The following SH3GL2 variants were observed in gnomAD, a reference collection of about 807,000 sequenced individuals.
SH3GL2 encodes SH3 domain containing GRB2 like 2, endophilin A1.
A neutral mutation model predicts 46.0 loss-of-function variants in SH3GL2; 24 were observed. The ratio of observed to expected loss-of-function variants is 0.52; its 90% CI spans 0.38 to 0.73. The LOEUF (loss-of-function observed/expected upper bound fraction) is 0.73. SH3GL2 is among the 30% of genes least tolerant of loss of function. The pLI is 0.00. For missense variants in SH3GL2, 413 were observed against 424.2 expected (o/e 0.97, Z 0.23); for synonymous variants, 196 against 147.1 (o/e 1.33, Z -2.40).
At chr9:17,614,710 C>T (rs1427529656) in intron 1 of SH3GL2, among the ~76,000 whole-genome samples, 1 of 152,112 alleles carries the variant, frequency 6.6e-6, no homozygotes, top group Non-Finnish European at 1.5e-5. Context: ...AACTGAGGCC[C>T]AGGGAGATCG....
intron 1 of SH3GL2, among the ~76,000 whole-genome samples, chr9:17,712,364 A>G (rs779009087): frequency 7.9e-5 from 12 of 151,816 alleles, no homozygotes; most frequent in Non-Finnish European, 1.2e-4. Flanking sequence ...TCTTGGAGAC[A>G]TCTCTAAAAA....
At chr9:17,619,018 G>A (rs936384860) in intron 1 of SH3GL2, among the ~76,000 whole-genome samples, 3 of 152,144 alleles carry the variant, frequency 2.0e-5, no homozygotes, top group African/African-American at 7.2e-5. Flanking sequence ...GTACAAAAAA[G>A]TAGTAATATT....
intron 1 of SH3GL2, among the ~76,000 whole-genome samples, chr9:17,696,323 G>T (rs1257821932): frequency 1.3e-5 from 2 of 152,150 alleles, no homozygotes; most frequent in African/African-American, 4.8e-5. Context: ...CTAATTGACT[G>T]TGAAGAAAAC....
rs183731342 is a variant in SH3GL2, at chr9:17,743,137, A to C, written c.46-3929A>C. ...GCCTGTGTTCCTCACCTTGATCCTT[A>C]TGCATAAAACAAAAGGAAGTTTTAA... On this transcript the variant is annotated intron_variant, in intron 1 of 8. Coordinates refer to ENST00000380607, the MANE Select transcript of SH3GL2 (RefSeq NM_003026.5). 5.8e-3 allele frequency among the ~76,000 whole-genome samples: 884 copies of C among 152,314 alleles called. 7 individuals carry two copies. The highest frequency in any genetic ancestry group is 0.031 in the Middle Eastern group (9 of 294).
intron 1 of SH3GL2, among the ~76,000 whole-genome samples, chr9:17,694,103 G>A (rs1157648522): frequency 3.9e-5 from 6 of 152,050 alleles, no homozygotes; most frequent in African/African-American, 1.4e-4. Context: ...ATCCTGGTAA[G>A]GAAATTGGAG....
rs554681158 is a variant in SH3GL2 at position 17,789,745 on chromosome 9, G to A, written c.624+195G>A. The stretch of plus-strand genomic sequence containing the variant: ...ATAGAAAAGTTTCTTCTGCATTCCT[G>A]TAGTTTAACTAGATTCTCGACTGCT... On this transcript the variant is annotated intron_variant, in intron 6 of 8. Coordinates refer to ENST00000380607, the MANE Select transcript of SH3GL2 (RefSeq NM_003026.5). The A allele has an allele frequency of 8.9e-6, 12 of 1,354,470 alleles. No homozygotes were observed. In the African/African-American group the frequency reaches 1.3e-4, roughly 15 times the overall value. 83.9% of individuals were successfully genotyped at this position (1,354,470 alleles called of 1,614,324 possible).
At chr9:17,595,897 T>A (rs1189761702) in intron 1 of SH3GL2, among the ~76,000 whole-genome samples, 1 of 152,204 alleles carries the variant, frequency 6.6e-6, no homozygotes, top group Non-Finnish European at 1.5e-5. Context: ...ATTATTTTTT[T>A]AATGAACATT....
At chr9:17,669,918 G>A (rs1820432145) in intron 1 of SH3GL2, among the ~76,000 whole-genome samples, 1 of 152,148 alleles carries the variant, frequency 6.6e-6, no homozygotes, top group Non-Finnish European at 1.5e-5. Context: ...ACAGCTCTCT[G>A]CTGCAGAAAG....
At chr9:17,597,378 A>G (rs1272598533) in intron 1 of SH3GL2, among the ~76,000 whole-genome samples, 1 of 152,096 alleles carries the variant, frequency 6.6e-6, no homozygotes, top group African/African-American at 2.4e-5. Flanking sequence ...TTAGCTGGGT[A>G]TGGTGGCACA....
chr9:17,644,637 G>C (rs1819762903), intron 1 of SH3GL2, among the ~76,000 whole-genome samples: 1 of 152,202 alleles, frequency 6.6e-6, no homozygotes, highest in African/African-American at 2.4e-5. Context: ...GCGGTTTTGA[G>C]TGAGTTTCTT....
chr9:17,587,200 A>AAAAAC (rs1050938275), intron 1 of SH3GL2, among the ~76,000 whole-genome samples: 5 of 152,242 alleles, frequency 3.3e-5, no homozygotes, highest in South Asian at 2.1e-4. Context: ...AGACTGTCTC[A>AAAAAC]AAAACAAAAC....
intron 1 of SH3GL2, among the ~76,000 whole-genome samples, chr9:17,649,101 A>T (rs1819893990): frequency 6.6e-6 from 1 of 151,982 alleles, no homozygotes. Flanking sequence ...TCTAGTGTAC[A>T]TTTTTCATTA....
intron 1 of SH3GL2, among the ~76,000 whole-genome samples, chr9:17,608,566 A>G (rs929693216): frequency 2.0e-5 from 3 of 152,184 alleles, no homozygotes; most frequent in African/African-American, 4.8e-5. Flanking sequence ...TGAAGTGACA[A>G]TGTGTTGATG....
intron 1 of SH3GL2, among the ~76,000 whole-genome samples, chr9:17,582,586 T>C (rs920623370): frequency 1.3e-5 from 2 of 152,246 alleles, no homozygotes; most frequent in East Asian, 3.8e-4. Context: ...TGGACACATT[T>C]TGCTTTACAA....
At chr9:17,779,362 A>G (rs554756699) in intron 3 of SH3GL2, among the ~76,000 whole-genome samples, 18 of 152,272 alleles carry the variant, frequency 1.2e-4, no homozygotes, top group Non-Finnish European at 2.5e-4. Flanking sequence ...CCCACAGGAA[A>G]TTTGACGGAA....
At chr9:17,595,465 T>G (rs1253645968) in intron 1 of SH3GL2, among the ~76,000 whole-genome samples, 1 of 152,124 alleles carries the variant, frequency 6.6e-6, no homozygotes, top group East Asian at 1.9e-4. Flanking sequence ...AGAACATGGA[T>G]CCCCGTTTAT....
intron 1 of SH3GL2, among the ~76,000 whole-genome samples, chr9:17,641,437 TTTAC>T (rs1819679915): frequency 6.6e-6 from 1 of 152,152 alleles, no homozygotes. Flanking sequence ...CCTTGAAAAC[TTTAC>T]TTATTTATTT....
intron 1 of SH3GL2, among the ~76,000 whole-genome samples, chr9:17,714,451 C>T (rs1257214309): frequency 1.3e-5 from 2 of 151,342 alleles, no homozygotes; most frequent in African/African-American, 4.8e-5. Flanking sequence ...CTTTGTTTTT[C>T]CCTGCCTTTT....
rs75903242 is a variant in SH3GL2, at chr9:17,650,113, G to C, written c.45+70826G>C. Among the ~76,000 whole-genome samples the C allele has an allele frequency of 3.4e-3, 519 of 152,292 alleles. 2 individuals are homozygous for C. Among genetic ancestry groups the C allele is most frequent in the Middle Eastern group, 0.014 (4 of 294 alleles). ...AACTCTGATTAGAATTTTCACTTAA[G>C]AACAGCAGTTGAGATGATGTTATCT... On this transcript the variant is annotated intron_variant, in intron 1 of 8. Coordinates refer to ENST00000380607, the MANE Select transcript of SH3GL2 (RefSeq NM_003026.5).
Sources: gnomAD v4.1 joint callset for allele counts (sites outside exome capture counted in the v4.1 genomes callset) on GRCh38, gnomAD v4.1.1 for gene constraint, MANE v1.5 for transcripts, NCBI Gene and HGNC (gene_info 2026-07-23, HGNC 2026-07-21) for gene names.